TBCD: variants seen among roughly 807,000 people sequenced by gnomAD.
TBCD encodes the protein tubulin folding cofactor D.
In TBCD, 105 loss-of-function variants were observed where a neutral mutation model predicts 169.3. The ratio of observed to expected loss-of-function variants is 0.62; its 90% confidence interval spans 0.53 to 0.73. TBCD has a LOEUF of 0.73. Ranked by LOEUF, TBCD falls within the 30% of genes least tolerant of loss-of-function variation. The pLI, the probability that TBCD is intolerant of heterozygous loss-of-function variation, is 0.00. For synonymous variants in TBCD, 700 were observed against 643.9 expected, an observed-to-expected ratio of 1.09 and a Z score of -1.32; for missense variants, 1,444 against 1,600.1, an observed-to-expected ratio of 0.90 and a Z score of 1.66.
chr17:82,873,866 C>T lies in TBCD; in HGVS notation c.1475+3486C>T, dbSNP rs1422185883. On this transcript the variant is annotated intron_variant, in intron 14 of 38. Transcript: ENST00000355528. ...GGGGCCACTCAGTGATCTGTTCGCA[C>T]ATTCTCAGGCATGAACCTTCAGGGC... Among the ~76,000 whole-genome samples the T allele has an allele frequency of 3.9e-5, 6 of 152,286 alleles. No individual in the cohort carries two copies. The East Asian group carries it at 9.7e-4, about 25-fold the overall frequency.
chr17:82,798,903 C>T (rs996612357), intron 8 of TBCD, among the ~76,000 whole-genome samples: 1 of 152,032 alleles, frequency 6.6e-6, no homozygotes, highest in Admixed American at 6.6e-5. Flanking sequence ...CTACCACGCC[C>T]GGCTAATTTT....
Position 82,776,257 on chromosome 17 carries a change from A to G in TBCD, c.638+3750A>G, listed in dbSNP as rs556619882. ...GTACGCTGTATGCAGAAAAGTTGGA[A>G]ATCTTGGCGTGGCGTGGTGGCACGC... On this transcript the variant is annotated intron_variant, in intron 6 of 38. Transcript: ENST00000355528. Among the ~76,000 whole-genome samples the G allele has an allele frequency of 2.2e-4, 33 of 152,138 alleles. 1 individual carries two copies. Among genetic ancestry groups the G allele is most frequent in the African/African-American group, 7.7e-4 (32 of 41,502 alleles).
At chr17:82,909,253 T>G in intron 21 of TBCD, 32 bp from the exon 22 acceptor site, 1 of 1,454,296 alleles carries the variant, frequency 6.9e-7, no homozygotes. Context: ...AAAATTTAAA[T>G]CATTAAATAA....
intron 7 of TBCD, among the ~76,000 whole-genome samples, chr17:82,784,754 G>T (rs1301844760): frequency 1.3e-5 from 2 of 152,158 alleles, no homozygotes; most frequent in East Asian, 3.9e-4. Flanking sequence ...ACGCTCTTAG[G>T]TCCCTAAGAC....
intron 7 of TBCD, among the ~76,000 whole-genome samples, chr17:82,795,021 T>C (rs1003969180): frequency 2.6e-5 from 4 of 152,228 alleles, no homozygotes; most frequent in Admixed American, 1.3e-4. Context: ...GCTGGGCCTT[T>C]CCAGGTGTGG....
rs766105280 is a variant in TBCD, at chr17:82,915,388, G to A, written c.2038+3599G>A. On this transcript the variant is annotated intron_variant, in intron 23 of 38. Coordinates refer to ENST00000355528, the MANE Select transcript of TBCD (RefSeq NM_005993.5). This position sits in a 1 kb window ranked among gnomAD's most constrained non-coding sequence, Gnocchi z 4.3. ...AATGTCATACAGGTTGGCCTTTGTC[G>A]TGAATATTCACGAGAGGAGATGAAC... Among the ~76,000 whole-genome samples the A allele has an allele frequency of 5.9e-5, 9 of 152,166 alleles. No homozygotes were observed. The highest frequency in any genetic ancestry group is 8.8e-5 in the Non-Finnish European group (6 of 68,032).
chr17:82,934,692 G>A (rs2062471603), intron 34 of TBCD, among the ~76,000 whole-genome samples: 5 of 152,026 alleles, frequency 3.3e-5, no homozygotes, highest in Admixed American at 2.0e-4. Flanking sequence ...GGCTGGTCTC[G>A]AACTCCCGAC....
At chr17:82,828,763 A>G (rs2053190538) in intron 13 of TBCD, among the ~76,000 whole-genome samples, 1 of 138,554 alleles carries the variant, frequency 7.2e-6, no homozygotes, top group Non-Finnish European at 1.6e-5. Context: ...ACACACACAC[A>G]TCTAATCAGA....
At chr17:82,797,675 T>C (rs1410133765) in intron 7 of TBCD, 82 bp from the exon 8 acceptor site, 2 of 1,046,804 alleles carry the variant, frequency 1.9e-6, no homozygotes, top group Non-Finnish European at 2.7e-6. Context: ...AAAGATGTGA[T>C]GAATTGTTTT....
rs186677804 is a variant in TBCD at position 82,843,367 on chromosome 17, G to A, written c.1319-26857G>A. Among the ~76,000 whole-genome samples, 651 of 77,900 alleles carry A rather than the reference G, an allele frequency of 8.4e-3. 11 individuals are homozygous for A. Among genetic ancestry groups the A allele is most frequent in the African/African-American group, 0.034 (629 of 18,612 alleles). The allele number at this position is 77,900 out of a possible 152,430, so 51.1% of individuals were successfully genotyped here. On this transcript the variant is annotated intron_variant, in intron 13 of 38. Transcript: ENST00000355528. Reference sequence around the variant, plus strand: ...TACATACCCTTCCCTTCCCCTCGCCGTCCAGCTTACTTATCATTCCCTTCC... The same window carrying A: ...TACATACCCTTCCCTTCCCCTCGCCATCCAGCTTACTTATCATTCCCTTCC...
chr17:82,926,592 T>C, intron 28 of TBCD, 101 bp downstream of exon 28: 1 of 961,008 alleles, frequency 1.0e-6, no homozygotes, highest in East Asian at 2.6e-5. Context: ...CTTATGATTC[T>C]TCACTTCCTA....
At position 82,915,488 on chromosome 17, in the gene TBCD, C is replaced by T. The variant is rs1026323673; in HGVS notation, c.2038+3699C>T. Among the ~76,000 whole-genome samples the T allele has an allele frequency of 6.6e-6, 1 of 152,146 alleles. No homozygotes were observed. Among genetic ancestry groups the T allele is most frequent in the African/African-American group, 2.4e-5 (1 of 41,434 alleles). ...CAGGAAGATGAGCGTCCCCTTGTCT[C>T]CGTCTTAGTCTCAGTGGCTCTTGCA... On this transcript the variant is annotated intron_variant, in intron 23 of 38. Coordinates refer to ENST00000355528, the MANE Select transcript of TBCD (RefSeq NM_005993.5). The surrounding 1 kb of genome is among the most constrained non-coding windows in gnomAD (Gnocchi z 4.3).
chr17:82,923,555 A>C lies in TBCD; in HGVS notation c.2179-97A>C. The C allele has an allele frequency of 3.1e-6, 3 of 974,544 alleles. No individual in the cohort carries two copies. In the South Asian group the frequency reaches 4.3e-5, roughly 14 times the overall value. The allele number at this position is 974,544 out of a possible 1,614,324, so 60.4% of individuals were successfully genotyped here. ...CAGGGTGACCACGGTGTCCCTGGTC[A>C]GGTGCTTCTCCGACTTCAGAGTGAC... is the stretch of plus-strand genomic sequence containing the variant. On this transcript the variant is annotated intron_variant, in intron 25 of 38. Coordinates refer to ENST00000355528, the MANE Select transcript of TBCD (RefSeq NM_005993.5). This position sits in a 1 kb window ranked among gnomAD's most constrained non-coding sequence, Gnocchi z 4.6.
intron 6 of TBCD, among the ~76,000 whole-genome samples, chr17:82,778,998 G>A (rs536299206): frequency 7.5e-6 from 1 of 134,186 alleles, no homozygotes; most frequent in East Asian, 2.1e-4. Context: ...TCTAGAGATG[G>A]GGTTTATTTA....
intron 2 of TBCD, among the ~76,000 whole-genome samples, chr17:82,760,340 GTCTT>G (rs1375792190): frequency 1.3e-5 from 2 of 152,226 alleles, no homozygotes; most frequent in East Asian, 3.8e-4. Flanking sequence ...TAGGGGAGAA[GTCTT>G]TCTAAGATTT....
intron 34 of TBCD, among the ~76,000 whole-genome samples, chr17:82,935,325 T>C (rs2062534129): frequency 6.6e-6 from 1 of 152,226 alleles, no homozygotes; most frequent in African/African-American, 2.4e-5. Context: ...TTCATACATG[T>C]ATGTTTTTGT....
In TBCD at chr17:82,922,373, CAA is replaced by C. The variant is rs981196105; in HGVS notation, c.2178+800_2178+801del. On this transcript the variant is annotated intron_variant, in intron 25 of 38. Transcript: ENST00000355528. The surrounding 1 kb of genome is among the most constrained non-coding windows in gnomAD (Gnocchi z 4.1). ...CAAGACCCTGCCTCAAAAACAAAAA[CAA>C]AAACAAAAACAAAAAAAACCATGGT... Among the ~76,000 whole-genome samples the C allele has an allele frequency of 1.2e-4, 8 of 67,692 alleles. No homozygotes were observed. The highest frequency in any genetic ancestry group is 5.9e-4 in the African/African-American group (6 of 10,206). 44.4% of individuals were successfully genotyped at this position (67,692 alleles called of 152,430 possible). A position where few individuals can be genotyped will look rare whatever the true frequency, so the allele number is the denominator to read the frequency against.
chr17:82,857,563 G>A (rs79585522), intron 13 of TBCD, among the ~76,000 whole-genome samples: 1,554 of 152,182 alleles, frequency 0.01, 33 homozygotes, highest in African/African-American at 0.035. Flanking sequence ...ACATATACAG[G>A]TGTCTAAAAA....
rs560966456 is a variant in TBCD at position 82,942,069 on chromosome 17, T to A, written c.3565-380T>A. The A allele has an allele frequency of 1.4e-5, 5 of 360,282 alleles. No homozygotes were observed. In the South Asian group the frequency reaches 1.9e-4, roughly 13 times the overall value. 22.3% of individuals were successfully genotyped at this position (360,282 alleles called of 1,614,324 possible). The stretch of plus-strand genomic sequence containing the variant: ...ACCATGTCTAGATACATGGGGGCAG[T>A]GGGGATGGGCTGAGCATCAGGACAC... On this transcript the variant is annotated intron_variant, in intron 38 of 38. Transcript: ENST00000355528.
Sources: allele counts gnomAD v4.1 joint callset (sites outside exome capture counted in the v4.1 genomes callset), GRCh38; gene constraint gnomAD v4.1.1; non-coding constraint Gnocchi (gnomAD v3.1); transcripts MANE v1.5; gene names NCBI Gene and HGNC (gene_info 2026-07-23, HGNC 2026-07-21).